Variants in ZNF277 observed in about 807,000 individuals in gnomAD.
ZNF277 encodes nuclear receptor-interacting factor 4.
Under a neutral mutation model 60.7 loss-of-function variants are expected in ZNF277, and 55 were observed. The observed-to-expected ratio is 0.91, with a 90% CI of 0.73 to 1.13. The LOEUF (loss-of-function observed/expected upper bound fraction) is 1.13. ZNF277 is among the 50% of genes most tolerant of loss of function. The probability of loss-of-function intolerance (pLI) is 0.00; values close to 1 mark genes in which losing one functional copy is unlikely to be tolerated. For synonymous variants in ZNF277, 178 were observed against 179.3 expected, an observed-to-expected ratio of 0.99 and a Z score of 0.06; for missense variants, 510 against 523.0, an observed-to-expected ratio of 0.98 and a Z score of 0.24.
intron 8 of ZNF277, among the ~76,000 whole-genome samples, chr7:112,337,086 TC>T (rs1362058762): frequency 1.3e-5 from 2 of 152,194 alleles, no homozygotes; most frequent in East Asian, 1.9e-4. Flanking sequence ...GAATGGGTGT[TC>T]CTTGTCTCCA....
At chr7:112,283,257 G>A (rs1001043615) in intron 1 of ZNF277, among the ~76,000 whole-genome samples, 14 of 152,158 alleles carry the variant, frequency 9.2e-5, no homozygotes, top group Admixed American at 2.0e-4. Flanking sequence ...GCTGGGTGCC[G>A]TGGCTAACGC....
At chr7:112,261,825 A>G (rs1791444159) in intron 1 of ZNF277, among the ~76,000 whole-genome samples, 1 of 152,184 alleles carries the variant, frequency 6.6e-6, no homozygotes, top group Admixed American at 6.5e-5. Flanking sequence ...ATTCTATAAT[A>G]GAAAACTTTT....
intron 10 of ZNF277, 149 bp from the exon 11 acceptor site, chr7:112,340,723 T>A (rs1167801030): frequency 1.6e-6 from 1 of 626,154 alleles, no homozygotes; most frequent in Non-Finnish European, 2.7e-6. Context: ...ATATGTGCTG[T>A]TATTATTTGG....
chr7:112,307,487 T>C (rs1792626799), intron 4 of ZNF277, among the ~76,000 whole-genome samples: 1 of 151,168 alleles, frequency 6.6e-6, no homozygotes, highest in African/African-American at 2.4e-5. Context: ...TGATCTCGGC[T>C]CACTGCAGCC....
At chr7:112,222,025 TA>T (rs1347623172) in intron 1 of ZNF277, among the ~76,000 whole-genome samples, 1 of 152,278 alleles carries the variant, frequency 6.6e-6, no homozygotes, top group Non-Finnish European at 1.5e-5. Context: ...GAGCCATCTT[TA>T]TATCCCTGAG....
intron 4 of ZNF277, among the ~76,000 whole-genome samples, chr7:112,309,330 C>T (rs1792670343): frequency 5.3e-5 from 8 of 151,980 alleles, no homozygotes; most frequent in Admixed American, 5.2e-4. Context: ...CCAACGAATA[C>T]TTACAAAAAC....
chr7:112,280,826 C>G (rs1341955498), intron 1 of ZNF277, among the ~76,000 whole-genome samples: 2 of 152,082 alleles, frequency 1.3e-5, no homozygotes, highest in East Asian at 3.9e-4. Flanking sequence ...TGGGGTTTCA[C>G]CGTGTTGCCC....
intron 1 of ZNF277, among the ~76,000 whole-genome samples, chr7:112,207,963 G>T (rs1337276349): frequency 3.3e-5 from 5 of 152,066 alleles, no homozygotes; most frequent in African/African-American, 9.7e-5. Flanking sequence ...TTATTTTTGG[G>T]TTGGTTATAT....
At chr7:112,253,842 C>G (rs1411811590) in intron 1 of ZNF277, among the ~76,000 whole-genome samples, 1 of 152,048 alleles carries the variant, frequency 6.6e-6, no homozygotes, top group East Asian at 1.9e-4. Context: ...ACAGAAATAC[C>G]AGAAACTGTA....
At chr7:112,296,930 T>TA (rs1411716765) in intron 4 of ZNF277, among the ~76,000 whole-genome samples, 26 of 88,700 alleles carry the variant, frequency 2.9e-4, no homozygotes, top group African/African-American at 5.4e-4. Flanking sequence ...TTTTTTTTTT[T>TA]TTTTTTTTTT....
intron 4 of ZNF277, among the ~76,000 whole-genome samples, chr7:112,305,038 G>T (rs10269057): frequency 0.051 from 7,796 of 152,098 alleles, 296 homozygotes; most frequent in Admixed American, 0.12. Context: ...AACACACCAA[G>T]CTGTTTCCAG....
At chr7:112,300,865 C>T (rs1285364720) in intron 4 of ZNF277, among the ~76,000 whole-genome samples, 1 of 152,022 alleles carries the variant, frequency 6.6e-6, no homozygotes, top group East Asian at 1.9e-4. Flanking sequence ...TTTTTTCTCA[C>T]CCCTATATCT....
intron 1 of ZNF277, among the ~76,000 whole-genome samples, chr7:112,219,539 T>C (rs1821972485): frequency 6.6e-6 from 1 of 152,178 alleles, no homozygotes; most frequent in African/African-American, 2.4e-5. Flanking sequence ...TAAATGCACA[T>C]ATTAATTTCT....
chr7:112,233,181 T>G (rs1223211520), intron 1 of ZNF277, among the ~76,000 whole-genome samples: 1 of 152,238 alleles, frequency 6.6e-6, no homozygotes, highest in Non-Finnish European at 1.5e-5. Flanking sequence ...GTGATTGTGA[T>G]GCACTTTGCT....
chr7:112,285,841 T>C lies in ZNF277; in HGVS notation c.92-1032T>C, dbSNP rs141862672. On this transcript the variant is annotated intron_variant, in intron 1 of 11. Transcript: ENST00000361822. ...AGTAAGGGAAAAAAATAGGAAACTTTAACGGGAGAACTAATATTAACCTAA... is the reference window on the plus strand; with the variant it reads ...AGTAAGGGAAAAAAATAGGAAACTTCAACGGGAGAACTAATATTAACCTAA... 3.3e-4 allele frequency among the ~76,000 whole-genome samples: 51 copies of C among 152,326 alleles called. 1 individual carries two copies. The highest frequency in any genetic ancestry group is 7.2e-4 in the Admixed American group (11 of 15,290).
chr7:112,264,862 A>T (rs1791513692), intron 1 of ZNF277, among the ~76,000 whole-genome samples: 1 of 152,194 alleles, frequency 6.6e-6, no homozygotes, highest in Admixed American at 6.5e-5. Flanking sequence ...CTTAATTGGT[A>T]AAAAATGCTT....
intron 1 of ZNF277, among the ~76,000 whole-genome samples, chr7:112,285,222 C>T (rs187707931): frequency 4.2e-4 from 64 of 151,378 alleles, no homozygotes; most frequent in African/African-American, 1.4e-3. Flanking sequence ...AGTAGAGACA[C>T]GGTTTCACCA....
At chr7:112,214,857 A>G (rs1403432664) in intron 1 of ZNF277, among the ~76,000 whole-genome samples, 1 of 152,200 alleles carries the variant, frequency 6.6e-6, no homozygotes, top group Non-Finnish European at 1.5e-5. Flanking sequence ...GAAAAACTGG[A>G]ATAGGAGTCA....
At chr7:112,310,175 G>A (rs1252952549) in intron 4 of ZNF277, among the ~76,000 whole-genome samples, 2 of 152,042 alleles carry the variant, frequency 1.3e-5, no homozygotes, top group African/African-American at 4.8e-5. Context: ...ATGTGGCTCA[G>A]AGCCCCAACC....
Sources: allele counts gnomAD v4.1 joint callset (sites outside exome capture counted in the v4.1 genomes callset), GRCh38; gene constraint gnomAD v4.1.1; transcripts MANE v1.5; gene names NCBI Gene and HGNC (gene_info 2026-07-23, HGNC 2026-07-21).